NT5DC1: variants seen among roughly 807,000 people sequenced by gnomAD.
NT5DC1 encodes the protein 5'-nucleotidase domain-containing protein 1.
In NT5DC1, 42 loss-of-function variants were observed where a neutral mutation model predicts 59.4. The observed-to-expected ratio is 0.71, with a 90% CI of 0.55 to 0.92. The LOEUF (loss-of-function observed/expected upper bound fraction) is 0.92. Among genes scored for constraint, NT5DC1 ranks in the 40% least tolerant of loss-of-function variants. NT5DC1 has a pLI of 0.00. For synonymous variants in NT5DC1, 172 were observed against 188.1 expected (o/e 0.91, Z 0.70); for missense variants, 501 against 537.1 (o/e 0.93, Z 0.66).
At chr6:116,230,247 A>G (rs1781992321) in intron 8 of NT5DC1, among the ~76,000 whole-genome samples, 1 of 152,014 alleles carries the variant, frequency 6.6e-6, no homozygotes, top group Non-Finnish European at 1.5e-5. Flanking sequence ...TTTATTATTT[A>G]CTTAGGCACA....
chr6:116,101,171 AG>A (rs1778641344), intron 1 of NT5DC1, 148 bp downstream of exon 1: 3 of 593,188 alleles, frequency 5.1e-6, no homozygotes, highest in Non-Finnish European at 8.6e-6. Context: ...AGCGGCGAGA[AG>A]GGGCGGAAGT....
chr6:116,109,766 CTTATT>C (rs1304172312), intron 3 of NT5DC1, among the ~76,000 whole-genome samples: 1 of 152,128 alleles, frequency 6.6e-6, no homozygotes, highest in Non-Finnish European at 1.5e-5. Flanking sequence ...ATTTGCTTTT[CTTATT>C]TTATTTCTTT....
chr6:116,196,956 A>G (rs1435862485), intron 6 of NT5DC1, among the ~76,000 whole-genome samples: 2 of 151,092 alleles, frequency 1.3e-5, no homozygotes, highest in Admixed American at 6.6e-5. Flanking sequence ...CCAGAGTTCT[A>G]TCTAGTTGCA....
At chr6:116,104,659 G>A (rs775575279) in intron 1 of NT5DC1, among the ~76,000 whole-genome samples, 2 of 152,096 alleles carry the variant, frequency 1.3e-5, no homozygotes, top group Non-Finnish European at 2.9e-5. Context: ...GTTTTTAGCA[G>A]CATACAACAT....
intron 8 of NT5DC1, among the ~76,000 whole-genome samples, chr6:116,226,361 T>G (rs1339215538): frequency 6.6e-6 from 1 of 152,080 alleles, no homozygotes; most frequent in Non-Finnish European, 1.5e-5. Context: ...TTTATTAAAA[T>G]TTCACACAAA....
At chr6:116,107,721 C>T (rs1055444952) in intron 2 of NT5DC1, among the ~76,000 whole-genome samples, 6 of 151,698 alleles carry the variant, frequency 4.0e-5, no homozygotes, top group East Asian at 1.9e-4. Flanking sequence ...TACAGGCGCC[C>T]GCCACTACGC....
chr6:116,198,290 A>AT (rs1452692063), intron 6 of NT5DC1, among the ~76,000 whole-genome samples: 1 of 152,084 alleles, frequency 6.6e-6, no homozygotes, highest in Non-Finnish European at 1.5e-5. Context: ...CTGAAACAGA[A>AT]AACAGTCAAT....
rs757428240 is a variant in NT5DC1, at chr6:116,192,291, T to C, written c.530-28763T>C. The stretch of plus-strand genomic sequence containing the variant: ...TATGTTAAGCACAGTGCCTAATACA[T>C]AGTGAGGAGCTCTCAATAAATATCA... On this transcript the variant is annotated intron_variant, in intron 6 of 11. Coordinates refer to ENST00000319550, the MANE Select transcript of NT5DC1 (RefSeq NM_152729.3). Among the ~76,000 whole-genome samples the C allele has an allele frequency of 2.0e-5, 3 of 151,962 alleles. No individual in the cohort carries two copies. In the South Asian group the frequency reaches 6.2e-4, roughly 32 times the overall value.
At chr6:116,122,195 C>G (rs560860103) in intron 6 of NT5DC1, among the ~76,000 whole-genome samples, 3 of 152,244 alleles carry the variant, frequency 2.0e-5, no homozygotes, top group Admixed American at 1.3e-4. Context: ...TATCCCATGA[C>G]AGTGATTCAT....
At chr6:116,107,634 G>A (rs926086457) in intron 2 of NT5DC1, among the ~76,000 whole-genome samples, 15 of 151,018 alleles carry the variant, frequency 9.9e-5, no homozygotes, top group African/African-American at 3.4e-4. Flanking sequence ...GTGCAGTGGC[G>A]CGATCTCGGC....
intron 6 of NT5DC1, among the ~76,000 whole-genome samples, chr6:116,185,907 G>T (rs1240812295): frequency 1.3e-5 from 2 of 151,972 alleles, no homozygotes; most frequent in Non-Finnish European, 2.9e-5. Flanking sequence ...TATTCATCCT[G>T]CAAGTTGTTT....
intron 7 of NT5DC1, 137 bp downstream of exon 7, chr6:116,221,365 C>A: frequency 1.7e-6 from 1 of 596,534 alleles, no homozygotes; most frequent in Non-Finnish European, 3.0e-6. Flanking sequence ...TTTTTTTTCT[C>A]ATGACATACC....
rs568404985 is a variant in NT5DC1, at chr6:116,163,841, G to A, written c.529+45896G>A. ...TTCATTTCCAATTCTTTTTTATTTC[G>A]GCCTCAATTTTGTTAAAGTCATTCA... On this transcript the variant is annotated intron_variant, in intron 6 of 11. Coordinates refer to ENST00000319550, the MANE Select transcript of NT5DC1 (RefSeq NM_152729.3). 1.7e-4 allele frequency among the ~76,000 whole-genome samples: 25 copies of A among 151,266 alleles called. No individual in the cohort carries two copies. The South Asian group carries it at 3.3e-3, about 20-fold the overall frequency.
At chr6:116,135,854 TATATATATATATATATATAC>T (rs1324607695) in intron 6 of NT5DC1, among the ~76,000 whole-genome samples, 3 of 118,084 alleles carry the variant, frequency 2.5e-5, no homozygotes, top group African/African-American at 3.4e-5. Context: ...TATATATATA[TATATATATATATATATATAC>T]ACACATACAC....
chr6:116,157,346 A>G (rs1780222834), intron 6 of NT5DC1, among the ~76,000 whole-genome samples: 1 of 152,180 alleles, frequency 6.6e-6, no homozygotes. Flanking sequence ...CTAGACAAGT[A>G]ACTGTATGGA....
At chr6:116,224,273 G>T (rs1256838648) in intron 8 of NT5DC1, among the ~76,000 whole-genome samples, 1 of 152,202 alleles carries the variant, frequency 6.6e-6, no homozygotes, top group Non-Finnish European at 1.5e-5. Flanking sequence ...GCCTGATTCA[G>T]TTCTAGGCAT....
rs192746104 is a variant in NT5DC1 at position 116,138,772 on chromosome 6, T to C, written c.529+20827T>C. ...TCATTTTGTAGTATTTATATTTGTA[T>C]AGAATTGTATATTTAGCATGAGTTA... is the stretch of plus-strand genomic sequence containing the variant. On this transcript the variant is annotated intron_variant, in intron 6 of 11. Coordinates refer to ENST00000319550, the MANE Select transcript of NT5DC1 (RefSeq NM_152729.3). 2.6e-3 allele frequency among the ~76,000 whole-genome samples: 396 copies of C among 152,252 alleles called. 10 individuals are homozygous for C. The South Asian group carries it at 0.043, about 17-fold the overall frequency.
At chr6:116,171,203 A>G (rs181935816) in intron 6 of NT5DC1, among the ~76,000 whole-genome samples, 22 of 152,244 alleles carry the variant, frequency 1.4e-4, no homozygotes, top group Admixed American at 7.8e-4. Flanking sequence ...TGTCACCACT[A>G]CCTTTTACAT....
intron 6 of NT5DC1, among the ~76,000 whole-genome samples, chr6:116,150,832 A>G (rs1463265407): frequency 6.6e-6 from 1 of 152,210 alleles, no homozygotes; most frequent in Non-Finnish European, 1.5e-5. Context: ...GTGAATATCA[A>G]ATGTGAATTT....
Sources: gnomAD v4.1 joint callset for allele counts (sites outside exome capture counted in the v4.1 genomes callset) on GRCh38, gnomAD v4.1.1 for gene constraint, MANE v1.5 for transcripts, NCBI Gene and HGNC (gene_info 2026-07-23, HGNC 2026-07-21) for gene names.